Variants in NUGGC observed in about 807,000 individuals in gnomAD.
NUGGC encodes the protein nuclear GTPase SLIP-GC.
NUGGC carries 58 observed loss-of-function variants against 92.6 expected under a neutral mutation model. The ratio of observed to expected loss-of-function variants is 0.63; its 90% CI spans 0.51 to 0.78. The LOEUF is 0.78. Among genes scored for constraint, NUGGC ranks in the 30% least tolerant of loss-of-function variants. NUGGC has a pLI of 0.00. For synonymous variants in NUGGC, 376 were observed against 366.4 expected, an observed-to-expected ratio of 1.03 and a Z score of -0.30; for missense variants, 925 against 964.6, an observed-to-expected ratio of 0.96 and a Z score of 0.54.
intron 1 of NUGGC, among the ~76,000 whole-genome samples, chr8:28,081,720 T>A (rs1810854467): frequency 6.6e-6 from 1 of 151,890 alleles, no homozygotes; most frequent in African/African-American, 2.4e-5. Flanking sequence ...CTACTAAAAA[T>A]ACAAAAAATT....
intron 13 of NUGGC, among the ~76,000 whole-genome samples, chr8:28,035,868 T>A (rs1809541247): frequency 6.6e-6 from 1 of 152,228 alleles, no homozygotes; most frequent in Non-Finnish European, 1.5e-5. Context: ...GCATGTGATA[T>A]TCGTCTTAAC....
chr8:28,032,906 T>A (rs1809460091), intron 14 of NUGGC, among the ~76,000 whole-genome samples: 1 of 151,990 alleles, frequency 6.6e-6, no homozygotes, highest in Admixed American at 6.6e-5. Context: ...ACACCAGTAA[T>A]CCCAGCACTT....
chr8:28,083,457 C>T lies in NUGGC; in HGVS notation c.-47+318G>A, dbSNP rs190523778. 1.3e-4 allele frequency among the ~76,000 whole-genome samples: 20 copies of T among 152,240 alleles called. No homozygotes were observed. The East Asian group carries it at 3.9e-3, about 29-fold the overall frequency. On this transcript the variant is annotated intron_variant, in intron 1 of 18. Coordinates refer to ENST00000413272, the MANE Select transcript of NUGGC (RefSeq NM_001010906.2). ...AAACAACGCTACAGCTAAGAGGAGC[C>T]TAAGGGAACATAACTAAATATAATG...
chr8:28,049,959 C>G (rs904289470), intron 10 of NUGGC, among the ~76,000 whole-genome samples: 27 of 152,024 alleles, frequency 1.8e-4, no homozygotes, highest in African/African-American at 6.0e-4. Flanking sequence ...TGGAGGCACA[C>G]GCCTGTAGTC....
At position 28,069,611 on chromosome 8, in the gene NUGGC, T is replaced by C; in HGVS notation, c.190A>G (p.Thr64Ala). 6.2e-7 allele frequency: 1 copy of C among 1,612,370 alleles called. No homozygotes were observed. Among genetic ancestry groups the C allele is most frequent in the Non-Finnish European group, 8.5e-7 (1 of 1,178,418 alleles). ...ESRTRRVLSNTYQKLIQSVFL... is the reference protein window; with the variant it reads ...ESRTRRVLSNAYQKLIQSVFL... ...ACAGACTGAATAAGTTTCTGATAAG[T>C]GTTGCTCAAAACCCTTCTGGTCCGT... The change falls in exon 4 of 19, where the codon ACT becomes GCT. Residue 64 changes from threonine to alanine, a missense_variant. Thr to Ala is a moderately conservative substitution (Grantham distance 58). Coordinates refer to ENST00000413272, the MANE Select transcript of NUGGC (RefSeq NM_001010906.2).
chr8:28,072,477 A>G (rs1810614270), intron 2 of NUGGC, among the ~76,000 whole-genome samples: 1 of 152,166 alleles, frequency 6.6e-6, no homozygotes, highest in African/African-American at 2.4e-5. Flanking sequence ...TTTGTAACTC[A>G]GGAACTCTTT....
rs1585589507 is a variant in NUGGC, at chr8:28,061,906, G to A, written c.922-1305C>T. ...TATCTGACAGCCCAAAATGTCAAGA[G>A]TTTGAGAAACCCTGATCCAGGGCAG... On this transcript the variant is annotated intron_variant, in intron 7 of 18. Transcript: ENST00000413272. Among the ~76,000 whole-genome samples the A allele has an allele frequency of 2.6e-5, 4 of 152,298 alleles. No homozygotes were observed. In the East Asian group the frequency reaches 7.7e-4, roughly 29 times the overall value.
At chr8:28,057,595 T>A (rs1810180684) in intron 9 of NUGGC, among the ~76,000 whole-genome samples, 1 of 152,144 alleles carries the variant, frequency 6.6e-6, no homozygotes, top group Non-Finnish European at 1.5e-5. Context: ...CACCTCAGCC[T>A]TCCAAAGTGC....
intron 16 of NUGGC, among the ~76,000 whole-genome samples, chr8:28,029,684 G>A (rs1279873395): frequency 7.9e-5 from 12 of 152,120 alleles, no homozygotes; most frequent in Admixed American, 7.9e-4. Context: ...AGGAGGCGGA[G>A]GTTGGAGTGA....
intron 13 of NUGGC, among the ~76,000 whole-genome samples, chr8:28,037,392 T>C (rs1585561171): frequency 6.6e-6 from 1 of 152,016 alleles, no homozygotes; most frequent in Non-Finnish European, 1.5e-5. Context: ...CTGGCCTTCC[T>C]CCCCTGAAAT....
At chr8:28,071,341 A>G (rs1039441905) in intron 2 of NUGGC, among the ~76,000 whole-genome samples, 47 of 152,338 alleles carry the variant, frequency 3.1e-4, no homozygotes, top group African/African-American at 9.1e-4. Flanking sequence ...AGCAGAATGC[A>G]AAGGAAAACA....
intron 12 of NUGGC, among the ~76,000 whole-genome samples, chr8:28,044,160 C>T (rs909800944): frequency 3.3e-5 from 5 of 152,142 alleles, no homozygotes; most frequent in Non-Finnish European, 7.3e-5. Flanking sequence ...ATCATTGGCC[C>T]ACCTTCCCCA....
intron 7 of NUGGC, among the ~76,000 whole-genome samples, chr8:28,062,452 C>CCA (rs573765175): frequency 7.6e-6 from 1 of 132,180 alleles, no homozygotes; most frequent in East Asian, 2.1e-4. Context: ...CTCATCTCTA[C>CCA]AAAAAAAAAA....
chr8:28,067,398 C>A (rs1810463111), intron 6 of NUGGC, 116 bp downstream of exon 6: 5 of 695,010 alleles, frequency 7.2e-6, no homozygotes, highest in Non-Finnish European at 4.9e-6. Context: ...ATTTGGGTAG[C>A]AACTTATTTC....
At chr8:28,032,204 A>G (rs1366448551) in intron 14 of NUGGC, among the ~76,000 whole-genome samples, 1 of 152,196 alleles carries the variant, frequency 6.6e-6, no homozygotes, top group African/African-American at 2.4e-5. Context: ...ACAGAATTGT[A>G]AACAGGGCGG....
intron 18 of NUGGC, 63 bp downstream of exon 18, chr8:28,026,899 G>T: frequency 9.0e-7 from 1 of 1,108,492 alleles, no homozygotes; most frequent in Non-Finnish European, 1.4e-6. Context: ...AATTCAGGAA[G>T]GAGTAACCAC....
Position 28,023,162 on chromosome 8 carries a change from T to A in NUGGC, c.*155A>T. ...CTGAGGCTGGAGGATCGCTTGAGCCTAGGAGTTCGAGGCTGCAGTGAGCTG... is the reference window on the plus strand; with the variant it reads ...CTGAGGCTGGAGGATCGCTTGAGCCAAGGAGTTCGAGGCTGCAGTGAGCTG... On this transcript the variant is annotated 3_prime_UTR_variant, in exon 19 of 19. Transcript: ENST00000413272. The A allele has an allele frequency of 1.3e-6, 1 of 754,886 alleles. No individual in the cohort carries two copies. The allele number at this position is 754,886 out of a possible 1,614,324, so 46.8% of individuals were successfully genotyped here.
chr8:28,032,674 C>T (rs149642060), intron 14 of NUGGC, among the ~76,000 whole-genome samples: 27 of 148,660 alleles, frequency 1.8e-4, no homozygotes, highest in Non-Finnish European at 2.5e-4. Flanking sequence ...GCTGAGATCG[C>T]GCCACTGCAC....
chr8:28,057,917 C>G (rs1226817797), intron 9 of NUGGC, among the ~76,000 whole-genome samples: 1 of 152,068 alleles, frequency 6.6e-6, no homozygotes, highest in African/African-American at 2.4e-5. Context: ...TCAGGCCGGG[C>G]GCGGTGGCTC....
Sources: allele counts gnomAD v4.1 joint callset (sites outside exome capture counted in the v4.1 genomes callset), GRCh38; gene constraint gnomAD v4.1.1; transcripts MANE v1.5; gene names NCBI Gene and HGNC (gene_info 2026-07-23, HGNC 2026-07-21).